Variants in CTNNA3 observed in about 807,000 individuals in gnomAD.
CTNNA3 encodes the protein catenin alpha 3.
CTNNA3 carries 76 observed loss-of-function variants against 95.7 expected under a neutral mutation model. The observed-to-expected ratio is 0.79, with a 90% confidence interval of 0.66 to 0.96. The LOEUF (loss-of-function observed/expected upper bound fraction) is 0.96. Among genes scored for constraint, CTNNA3 ranks in the 40% least tolerant of loss-of-function variants. The pLI is 0.00. For synonymous variants in CTNNA3, 431 were observed against 374.4 expected (o/e 1.15, Z -1.74); for missense variants, 1,191 against 1,089.8 (o/e 1.09, Z -1.31).
chr10:66,647,511 CTT>C (rs59117038), intron 9 of CTNNA3, among the ~76,000 whole-genome samples: 4 of 146,480 alleles, frequency 2.7e-5, no homozygotes, highest in Non-Finnish European at 4.5e-5. Context: ...AAAAATTACT[CTT>C]TTTTTTTTTT....
chr10:66,830,405 T>C (rs1198250533), intron 7 of CTNNA3, among the ~76,000 whole-genome samples: 1 of 151,604 alleles, frequency 6.6e-6, no homozygotes, highest in East Asian at 1.9e-4. Context: ...CATAGAATCT[T>C]AGAAGATTAG....
chr10:67,083,879 A>G (rs1275905091), intron 7 of CTNNA3, among the ~76,000 whole-genome samples: 1 of 152,186 alleles, frequency 6.6e-6, no homozygotes, highest in East Asian at 1.9e-4. Context: ...TAATCAAAGC[A>G]AAATTTAAAA....
At position 66,927,241 on chromosome 10, in the gene CTNNA3, C is replaced by T. The variant is rs1223429501; in HGVS notation, c.1048-151717G>A. The T allele has an allele frequency of 6.2e-7, 1 of 1,614,072 alleles. No homozygotes were observed. The highest frequency in any genetic ancestry group is 1.7e-5 in the Admixed American group (1 of 60,028). On this transcript the variant is annotated intron_variant, in intron 7 of 17. Coordinates refer to ENST00000433211, the MANE Select transcript of CTNNA3 (RefSeq NM_013266.4). This position sits in a 1 kb window ranked among gnomAD's most constrained non-coding sequence, Gnocchi z 4.7. ...TGACGAAAATGCTTTTAATGGAATA[C>T]GCAGACTCAAAGAGCTGATTCTTAG...
chr10:67,317,237 G>A (rs952582490), intron 5 of CTNNA3, among the ~76,000 whole-genome samples: 3 of 150,410 alleles, frequency 2.0e-5, no homozygotes, highest in Non-Finnish European at 3.0e-5. Context: ...TATACTTTAA[G>A]TTTTAGGGTA....
intron 5 of CTNNA3, among the ~76,000 whole-genome samples, chr10:67,233,774 T>G (rs1259129281): frequency 1.3e-5 from 2 of 148,362 alleles, no homozygotes; most frequent in African/African-American, 2.5e-5. Context: ...GCAAGACTAA[T>G]AAAGAAAAAA....
At position 67,180,508 on chromosome 10, in the gene CTNNA3, G is replaced by T. The variant is rs1554939194; in HGVS notation, c.856C>A (p.Leu286Met). 15 of 1,613,088 alleles carry T rather than the reference G, an allele frequency of 9.3e-6. No individual in the cohort carries two copies. The highest frequency in any genetic ancestry group is 1.3e-5 in the Non-Finnish European group (15 of 1,179,198). ...TCCTCAGTTACTGTGAGTGGATTCAGGACAATTAAATTCTAAGAGAAGAAC... is the reference window on the plus strand; with the variant it reads ...TCCTCAGTTACTGTGAGTGGATTCATGACAATTAAATTCTAAGAGAAGAAC... Reference protein sequence around the residue: ...ALDELENLIVLNPLTVTEEEI... With the variant: ...ALDELENLIVMNPLTVTEEEI... The change falls in exon 7 of 18, where the codon CTG becomes ATG. Residue 286 changes from leucine (L) to methionine (M), a missense_variant. Transcript: ENST00000433211.
chr10:67,280,123 C>T (rs60793259), intron 5 of CTNNA3, among the ~76,000 whole-genome samples: 6,141 of 150,116 alleles, frequency 0.041, 608 homozygotes, highest in East Asian at 0.25. Flanking sequence ...ATAAGCAGCC[C>T]CAGAACCAAG....
chr10:66,178,425 A>ACGTG (rs1322449894), intron 13 of CTNNA3, among the ~76,000 whole-genome samples: 2 of 81,824 alleles, frequency 2.4e-5, no homozygotes, highest in African/African-American at 3.5e-5. Flanking sequence ...ATATATATAT[A>ACGTG]TATATATATA....
At chr10:66,449,882 A>C (rs921871989) in intron 11 of CTNNA3, among the ~76,000 whole-genome samples, 1 of 152,022 alleles carries the variant, frequency 6.6e-6, no homozygotes, top group African/African-American at 2.4e-5. Context: ...AAATACTGAA[A>C]ATTCTAACTT....
chr10:66,113,281 G>C (rs751498919), intron 13 of CTNNA3, among the ~76,000 whole-genome samples: 1 of 152,038 alleles, frequency 6.6e-6, no homozygotes, highest in African/African-American at 2.4e-5. Flanking sequence ...CCTATAGCAT[G>C]CATAGAAGTG....
intron 5 of CTNNA3, among the ~76,000 whole-genome samples, chr10:67,410,817 T>C (rs534901544): frequency 6.6e-6 from 1 of 152,180 alleles, no homozygotes; most frequent in South Asian, 2.1e-4. Flanking sequence ...CATCCACAGA[T>C]GAGTAGATAA....
chr10:66,908,428 C>T (rs1050098472), intron 7 of CTNNA3, among the ~76,000 whole-genome samples: 11 of 152,274 alleles, frequency 7.2e-5, no homozygotes, highest in Admixed American at 2.0e-4. Context: ...AAAGCTGTCA[C>T]CATTGCATTT....
At chr10:66,997,986 T>C (rs1173632832) in intron 7 of CTNNA3, among the ~76,000 whole-genome samples, 1 of 152,220 alleles carries the variant, frequency 6.6e-6, no homozygotes, top group Non-Finnish European at 1.5e-5. Flanking sequence ...ACTTGGATTA[T>C]TGCAGTGATT....
At chr10:66,035,670 T>A (rs942941181) in intron 15 of CTNNA3, among the ~76,000 whole-genome samples, 5 of 152,110 alleles carry the variant, frequency 3.3e-5, no homozygotes, top group Non-Finnish European at 5.9e-5. Flanking sequence ...TGTTTATAGA[T>A]AAAGGATTTT....
intron 11 of CTNNA3, among the ~76,000 whole-genome samples, chr10:66,392,426 T>G (rs752615077): frequency 4.0e-5 from 6 of 151,010 alleles, no homozygotes; most frequent in Admixed American, 2.0e-4. Context: ...TGAGACCCCT[T>G]CTCAAAAAAC....
In CTNNA3 at chr10:67,445,055, T is replaced by G. The variant is rs1846689585; in HGVS notation, c.579+76787A>C. The stretch of plus-strand genomic sequence containing the variant: ...AATACCAATTCTGCTCAAACTACTC[T>G]GAAAAATAAAGGAGGGAGTACTTCC... On this transcript the variant is annotated intron_variant, in intron 5 of 17. Transcript: ENST00000433211. Among the ~76,000 whole-genome samples the G allele has an allele frequency of 6.0e-5, 9 of 151,056 alleles. No individual in the cohort carries two copies. The South Asian group carries it at 1.7e-3, about 28-fold the overall frequency.
intron 14 of CTNNA3, among the ~76,000 whole-genome samples, chr10:66,088,320 T>A (rs2081064891): frequency 6.6e-6 from 1 of 152,104 alleles, no homozygotes; most frequent in African/African-American, 2.4e-5. Flanking sequence ...TTATGTATAC[T>A]GTTTTGTTCC....
intron 10 of CTNNA3, among the ~76,000 whole-genome samples, chr10:66,560,752 G>A (rs1336131424): frequency 1.3e-5 from 2 of 151,974 alleles, no homozygotes; most frequent in Non-Finnish European, 2.9e-5. Context: ...AGTATTTGGA[G>A]GTGGGGCCTT....
chr10:67,260,173 C>T (rs1866539715), intron 5 of CTNNA3, among the ~76,000 whole-genome samples: 2 of 152,232 alleles, frequency 1.3e-5, no homozygotes, highest in Admixed American at 6.5e-5. Context: ...GGAGTGGGAC[C>T]ACAGAGGTTA....
Sources: allele counts gnomAD v4.1 joint callset (sites outside exome capture counted in the v4.1 genomes callset), GRCh38; gene constraint gnomAD v4.1.1; non-coding constraint Gnocchi (gnomAD v3.1); transcripts MANE v1.5; gene names NCBI Gene and HGNC (gene_info 2026-07-23, HGNC 2026-07-21).